The following SNX6 variants were observed in gnomAD, a reference collection of about 807,000 sequenced individuals.
SNX6 encodes the protein sorting nexin-6.
In SNX6, 34 loss-of-function variants were observed where a neutral mutation model predicts 63.0. The ratio of observed to expected loss-of-function variants is 0.54; its 90% CI spans 0.41 to 0.72. SNX6 has a LOEUF of 0.72. Among genes scored for constraint, SNX6 ranks in the 30% least tolerant of loss-of-function variants. SNX6 has a pLI of 0.00. For synonymous variants in SNX6, 170 were observed against 164.2 expected (o/e 1.04, Z -0.27); for missense variants, 398 against 471.4 (o/e 0.84, Z 1.44).
In SNX6 at chr14:34,590,944, T is replaced by A. The variant is rs537621714; in HGVS notation, c.718+2101A>T. Among the ~76,000 whole-genome samples the A allele has an allele frequency of 1.1e-4, 17 of 152,274 alleles. No individual in the cohort carries two copies. The South Asian group carries it at 3.5e-3, about 32-fold the overall frequency. On this transcript the variant is annotated intron_variant, in intron 8 of 13. Coordinates refer to ENST00000362031, the MANE Select transcript of SNX6 (RefSeq NM_152233.4). Reference sequence around the variant, plus strand: ...ACAACTTGGATGAATCTCAAAATAGTTTTTTGAGTTTCAAAGCCAGACAAT... The same window carrying A: ...ACAACTTGGATGAATCTCAAAATAGATTTTTGAGTTTCAAAGCCAGACAAT...
intron 9 of SNX6, among the ~76,000 whole-genome samples, chr14:34,583,012 T>A (rs1197433526): frequency 6.6e-6 from 1 of 150,442 alleles, no homozygotes; most frequent in Non-Finnish European, 1.5e-5. Flanking sequence ...TACCCTTTAA[T>A]AGTCTGGTGT....
Position 34,615,049 on chromosome 14 carries a change from A to C in SNX6, c.55-5307T>G, listed in dbSNP as rs1489309902. Among the ~76,000 whole-genome samples the C allele has an allele frequency of 2.6e-5, 4 of 152,260 alleles. No individual in the cohort carries two copies. The South Asian group carries it at 8.3e-4, about 32-fold the overall frequency. ...ATTCTTCCAATTCAAGATTATTCCA[A>C]GTTATTAAAACAGTTCTTTCTCTTC... On this transcript the variant is annotated intron_variant, in intron 2 of 13. Coordinates refer to ENST00000362031, the MANE Select transcript of SNX6 (RefSeq NM_152233.4).
chr14:34,627,648 C>T (rs958366514), intron 2 of SNX6, among the ~76,000 whole-genome samples: 6 of 152,026 alleles, frequency 3.9e-5, no homozygotes, highest in East Asian at 1.9e-4. Flanking sequence ...CGCCACCATG[C>T]CCAGCTAATT....
chr14:34,626,802 C>T (rs1051494646), intron 2 of SNX6, among the ~76,000 whole-genome samples: 2 of 152,080 alleles, frequency 1.3e-5, no homozygotes, highest in Non-Finnish European at 2.9e-5. Context: ...TCAACATACT[C>T]AAAAATTAGT....
intron 9 of SNX6, 47 bp downstream of exon 9, chr14:34,586,183 G>A (rs1445331547): frequency 1.1e-5 from 14 of 1,287,666 alleles, no homozygotes; most frequent in African/African-American, 1.5e-5. Flanking sequence ...TTACAGGCGT[G>A]AGCCACCGCG....
At chr14:34,625,743 TA>T (rs1175939381) in intron 2 of SNX6, among the ~76,000 whole-genome samples, 3 of 149,718 alleles carry the variant, frequency 2.0e-5, no homozygotes, top group East Asian at 3.9e-4. Flanking sequence ...AAAAAAAATT[TA>T]AAAAAAAAAT....
intron 10 of SNX6, among the ~76,000 whole-genome samples, chr14:34,581,048 T>A (rs970172746): frequency 6.6e-6 from 1 of 152,228 alleles, no homozygotes; most frequent in South Asian, 2.1e-4. Context: ...TGTTTCATCA[T>A]CCTTCTGAAG....
At chr14:34,607,112 C>T (rs1417654374) in intron 4 of SNX6, among the ~76,000 whole-genome samples, 1 of 152,072 alleles carries the variant, frequency 6.6e-6, no homozygotes, top group Non-Finnish European at 1.5e-5. Flanking sequence ...TGGTTTGTCA[C>T]ATCTCCTTAA....
intron 10 of SNX6, among the ~76,000 whole-genome samples, chr14:34,579,614 AAAAG>A (rs771887612): frequency 5.9e-5 from 9 of 152,134 alleles, no homozygotes; most frequent in Non-Finnish European, 1.3e-4. Context: ...CTCTAAAACA[AAAAG>A]AATAAAGGAA....
intron 13 of SNX6, 138 bp from the exon 14 acceptor site, chr14:34,563,313 C>G: frequency 7.0e-6 from 5 of 715,776 alleles, no homozygotes; most frequent in East Asian, 2.9e-5. Context: ...AATCCCAGCA[C>G]TCTGGGAGGC....
intron 13 of SNX6, among the ~76,000 whole-genome samples, chr14:34,566,266 T>G (rs1881179267): frequency 1.3e-5 from 2 of 152,288 alleles, no homozygotes; most frequent in South Asian, 4.1e-4. Flanking sequence ...CAGGCTGCAC[T>G]GCAGTGGCAC....
intron 11 of SNX6, among the ~76,000 whole-genome samples, chr14:34,573,788 G>A (rs1044579811): frequency 6.6e-6 from 1 of 151,600 alleles, no homozygotes; most frequent in African/African-American, 2.4e-5. Flanking sequence ...GATTACAGGT[G>A]CCTGCTACCA....
rs574609768 is a variant in SNX6 at position 34,627,756 on chromosome 14, C to T, written c.54+2151G>A. On this transcript the variant is annotated intron_variant, in intron 2 of 13. Coordinates refer to ENST00000362031, the MANE Select transcript of SNX6 (RefSeq NM_152233.4). ...CCACTCACTTCGGCCTCCCAAAGTG[C>T]TGGGATTACAGGCGTGAGCCACCGT... Among the ~76,000 whole-genome samples the T allele has an allele frequency of 7.2e-5, 11 of 152,218 alleles. No individual in the cohort carries two copies. The East Asian group carries it at 1.8e-3, about 24-fold the overall frequency.
chr14:34,584,144 G>C (rs1157615630), intron 9 of SNX6, among the ~76,000 whole-genome samples: 1 of 152,046 alleles, frequency 6.6e-6, no homozygotes, highest in Non-Finnish European at 1.5e-5. Flanking sequence ...ACTGTGCCCG[G>C]CTGGTGGCAT....
chr14:34,599,103 C>T (rs1882708078), intron 6 of SNX6, among the ~76,000 whole-genome samples: 1 of 152,208 alleles, frequency 6.6e-6, no homozygotes, highest in African/African-American at 2.4e-5. Context: ...TTGGGCTTCC[C>T]ATTCTCCAGA....
chr14:34,606,969 G>A (rs1276803131), intron 4 of SNX6, among the ~76,000 whole-genome samples: 4 of 150,988 alleles, frequency 2.6e-5, no homozygotes, highest in Non-Finnish European at 5.9e-5. Flanking sequence ...TAGTAGAGAC[G>A]AGGTTTTACC....
At chr14:34,584,276 A>G (rs1425702508) in intron 9 of SNX6, among the ~76,000 whole-genome samples, 1 of 152,112 alleles carries the variant, frequency 6.6e-6, no homozygotes, top group Non-Finnish European at 1.5e-5. Context: ...AGACTATGAA[A>G]ATAGTTTTCC....
At chr14:34,623,934 T>C (rs1032790647) in intron 2 of SNX6, among the ~76,000 whole-genome samples, 4 of 152,176 alleles carry the variant, frequency 2.6e-5, no homozygotes, top group Non-Finnish European at 5.9e-5. Context: ...AAAAAAAATG[T>C]GTCCAATTCA....
intron 2 of SNX6, among the ~76,000 whole-genome samples, chr14:34,615,177 T>C (rs1379886313): frequency 6.6e-6 from 1 of 152,198 alleles, no homozygotes; most frequent in Non-Finnish European, 1.5e-5. Context: ...CTTTTATCTA[T>C]ATAAAATATC....
Sources: allele counts gnomAD v4.1 joint callset (sites outside exome capture counted in the v4.1 genomes callset), GRCh38; gene constraint gnomAD v4.1.1; transcripts MANE v1.5; gene names NCBI Gene and HGNC (gene_info 2026-07-23, HGNC 2026-07-21).